INPP4B: variants seen among roughly 807,000 people sequenced by gnomAD.
The protein encoded by INPP4B is inositol polyphosphate-4-phosphatase type II B, also known as inositol polyphosphate 4-phosphatase type II.
Under a neutral mutation model 122.5 loss-of-function variants are expected in INPP4B, and 55 were observed. That is an observed-to-expected ratio of 0.45 (90% CI 0.36 to 0.56). The LOEUF is 0.56. Among genes scored for constraint, INPP4B ranks in the 20% least tolerant of loss-of-function variants. INPP4B has a pLI of 0.00. For synonymous variants in INPP4B, 403 were observed against 388.7 expected, an observed-to-expected ratio of 1.04 and a Z score of -0.43; for missense variants, 1,000 against 1,097.7, an observed-to-expected ratio of 0.91 and a Z score of 1.26.
intron 23 of INPP4B, among the ~76,000 whole-genome samples, chr4:142,089,472 CACACACACAG>C (rs1303688538): frequency 1.4e-3 from 154 of 113,998 alleles, no homozygotes; most frequent in African/African-American, 4.7e-3. Flanking sequence ...CACACACACA[CACACACACAG>C]AGAGAGAGAG....
intron 2 of INPP4B, among the ~76,000 whole-genome samples, chr4:142,662,047 C>G (rs1006344101): frequency 6.6e-6 from 1 of 152,114 alleles, no homozygotes; most frequent in African/African-American, 2.4e-5. Context: ...TCCTTGCTAA[C>G]ACAGTGAAAC....
Position 142,341,114 on chromosome 4 carries a change from C to G in INPP4B, c.373-26352G>C, listed in dbSNP as rs2077877. ...CACTTATAGTGAATATAAAAATATG[C>G]TTATTGGATTGGAATTGACACTTTC... is the stretch of plus-strand genomic sequence containing the variant. On this transcript the variant is annotated intron_variant, in intron 7 of 25. Transcript: ENST00000262992. Among the ~76,000 whole-genome samples, 1,354 of 152,196 alleles carry G rather than the reference C, an allele frequency of 8.9e-3. 52 individuals are homozygous for G. The highest frequency in any genetic ancestry group is 0.069 in the East Asian group (355 of 5,164).
chr4:142,802,521 C>A (rs1778134454), intron 1 of INPP4B, among the ~76,000 whole-genome samples: 1 of 152,152 alleles, frequency 6.6e-6, no homozygotes, highest in African/African-American at 2.4e-5. Flanking sequence ...CCCCTATCCA[C>A]TCACTTGTTA....
chr4:142,154,389 G>T (rs977200480), intron 17 of INPP4B, among the ~76,000 whole-genome samples: 1 of 152,138 alleles, frequency 6.6e-6, no homozygotes, highest in Non-Finnish European at 1.5e-5. Flanking sequence ...CATTAGTCAT[G>T]ACCTTAGCTT....
At chr4:142,243,770 A>C (rs2150055961) in intron 11 of INPP4B, among the ~76,000 whole-genome samples, 1 of 152,292 alleles carries the variant, frequency 6.6e-6, no homozygotes, top group South Asian at 2.1e-4. Context: ...AGAATCTTAA[A>C]ATATTCTGAA....
intron 2 of INPP4B, among the ~76,000 whole-genome samples, chr4:142,569,851 TA>T: frequency 6.6e-6 from 1 of 152,228 alleles, no homozygotes; most frequent in South Asian, 2.1e-4. Context: ...TTAGATACAT[TA>T]AAAATTCATA....
chr4:142,062,958 G>A (rs1289872114), intron 25 of INPP4B, among the ~76,000 whole-genome samples: 1 of 152,224 alleles, frequency 6.6e-6, no homozygotes, highest in East Asian at 1.9e-4. Context: ...CACTTTCGTA[G>A]GCACTTCAAT....
At chr4:142,728,258 G>C (rs1373031) in intron 1 of INPP4B, among the ~76,000 whole-genome samples, 2 of 151,934 alleles carry the variant, frequency 1.3e-5, no homozygotes, top group African/African-American at 4.8e-5. Flanking sequence ...TTCAGACTCA[G>C]AACCTTACAC....
intron 23 of INPP4B, among the ~76,000 whole-genome samples, chr4:142,092,469 T>C (rs764956820): frequency 1.3e-5 from 2 of 152,140 alleles, no homozygotes; most frequent in Non-Finnish European, 2.9e-5. Context: ...TTTTGTATTT[T>C]TATAGAAATG....
At chr4:142,051,514 T>C (rs1754582358) in intron 25 of INPP4B, among the ~76,000 whole-genome samples, 1 of 152,042 alleles carries the variant, frequency 6.6e-6, no homozygotes, top group South Asian at 2.1e-4. Context: ...AATTATGTTT[T>C]TGAAATGTAC....
At chr4:142,153,441 T>C (rs1487476655) in intron 17 of INPP4B, among the ~76,000 whole-genome samples, 1 of 152,220 alleles carries the variant, frequency 6.6e-6, no homozygotes, top group Non-Finnish European at 1.5e-5. Flanking sequence ...GGGCACTTGA[T>C]TTGAATGTAA....
chr4:142,517,979 A>G (rs745715477), intron 2 of INPP4B, among the ~76,000 whole-genome samples: 22 of 152,192 alleles, frequency 1.4e-4, no homozygotes, highest in Non-Finnish European at 2.6e-4. Context: ...AATAAATCTT[A>G]TTGTTTCATT....
intron 9 of INPP4B, among the ~76,000 whole-genome samples, chr4:142,278,112 C>A (rs1043628794): frequency 2.0e-5 from 3 of 151,846 alleles, no homozygotes; most frequent in African/African-American, 7.3e-5. Context: ...GTTCCAGTTG[C>A]AGGTAACATG....
intron 1 of INPP4B, among the ~76,000 whole-genome samples, chr4:142,798,842 A>ATATT: frequency 7.6e-6 from 1 of 131,750 alleles, no homozygotes; most frequent in African/African-American, 2.8e-5. Context: ...GTATGTGTAT[A>ATATT]TGTTTGTGTG....
intron 2 of INPP4B, among the ~76,000 whole-genome samples, chr4:142,626,896 T>C (rs1746554970): frequency 1.3e-5 from 2 of 152,036 alleles, no homozygotes; most frequent in South Asian, 4.1e-4. Flanking sequence ...TATATATCAC[T>C]ATCCAAAAAC....
At chr4:142,693,008 T>TAA (rs377252315) in intron 2 of INPP4B, among the ~76,000 whole-genome samples, 3 of 141,628 alleles carry the variant, frequency 2.1e-5, no homozygotes, top group Non-Finnish European at 3.1e-5. Flanking sequence ...CTTGATGCCT[T>TAA]AAAAAAAAAA....
chr4:142,363,486 C>A lies in INPP4B; in HGVS notation c.372+39452G>T, dbSNP rs146180187. ...TCCTTAATGTGTTAGGCCTTAAAGA[C>A]TTCTCTTACCACTTGTGTTACTTGA... On this transcript the variant is annotated intron_variant, in intron 7 of 25. Transcript: ENST00000262992. Among the ~76,000 whole-genome samples, 829 of 152,004 alleles carry A rather than the reference C, an allele frequency of 5.5e-3. 12 individuals carry two copies. The highest frequency in any genetic ancestry group is 0.018 in the African/African-American group (750 of 41,488).
At chr4:142,665,624 G>T (rs1044916080) in intron 2 of INPP4B, among the ~76,000 whole-genome samples, 3 of 151,900 alleles carry the variant, frequency 2.0e-5, no homozygotes. Flanking sequence ...TGCAAAAAAT[G>T]GAAATAATGT....
intron 25 of INPP4B, among the ~76,000 whole-genome samples, chr4:142,069,706 C>T (rs1166440441): frequency 1.3e-5 from 2 of 152,140 alleles, no homozygotes; most frequent in Non-Finnish European, 2.9e-5. Context: ...CTATAAACAC[C>T]TCTACACAAA....
Sources: allele counts gnomAD v4.1 joint callset (sites outside exome capture counted in the v4.1 genomes callset), GRCh38; gene constraint gnomAD v4.1.1; transcripts MANE v1.5; gene names NCBI Gene and HGNC (gene_info 2026-07-23, HGNC 2026-07-21).